The following GLB1L2 variants were observed in gnomAD, a reference collection of about 807,000 sequenced individuals.
GLB1L2 encodes the protein galactosidase beta 1 like 2.
A neutral mutation model predicts 84.1 loss-of-function variants in GLB1L2; 68 were observed. The ratio of observed to expected loss-of-function variants is 0.81; its 90% CI spans 0.67 to 0.99. The LOEUF (loss-of-function observed/expected upper bound fraction) is 0.99. Ranked by LOEUF, GLB1L2 falls within the 50% of genes least tolerant of loss-of-function variation. GLB1L2 has a pLI of 0.00. For synonymous variants in GLB1L2, 290 were observed against 318.0 expected (o/e 0.91, Z 0.94); for missense variants, 762 against 805.6 (o/e 0.95, Z 0.66).
chr11:134,362,566 CTG>C (rs1273621910), intron 7 of GLB1L2, among the ~76,000 whole-genome samples: 1 of 152,254 alleles, frequency 6.6e-6, no homozygotes, highest in African/African-American at 2.4e-5. Context: ...GAGTGTGGGG[CTG>C]TGTCTGCCAC....
At chr11:134,351,733 T>G (rs1943637225) in intron 5 of GLB1L2, among the ~76,000 whole-genome samples, 1 of 152,244 alleles carries the variant, frequency 6.6e-6, no homozygotes, top group African/African-American at 2.4e-5. Context: ...TTTAATATGC[T>G]GCTGAATTAA....
chr11:134,373,626 C>A, intron 15 of GLB1L2, 95 bp from the exon 16 acceptor site: 1 of 776,510 alleles, frequency 1.3e-6, no homozygotes, highest in Non-Finnish European at 2.2e-6. Context: ...CAGCACCCCT[C>A]ACCCCAGCTT....
In GLB1L2 at chr11:134,367,308, T is replaced by C. The variant is rs1392528581; in HGVS notation, c.856T>C (p.Trp286Arg). The C allele has an allele frequency of 6.2e-7, 1 of 1,614,054 alleles. No homozygotes were observed. Among genetic ancestry groups the C allele is most frequent in the Non-Finnish European group, 8.5e-7 (1 of 1,179,992 alleles). The change falls in exon 9 of 19, where the codon TGG (tryptophan) becomes CGG (arginine). Residue 286 changes from tryptophan (W) to arginine (R), a missense_variant. Trp to Arg is a moderately radical substitution (Grantham distance 101). Coordinates refer to ENST00000535456, the MANE Select transcript of GLB1L2 (RefSeq NM_001370461.1). ...MEYWTGWFDS[W>R]GGPHNILDSS... ...GTACTGGACGGGGTGGTTTGACTCGTGGGGAGGCCCTCACAATATCTTGGA... is the reference window on the plus strand; with the variant it reads ...GTACTGGACGGGGTGGTTTGACTCGCGGGGAGGCCCTCACAATATCTTGGA...
intron 5 of GLB1L2, among the ~76,000 whole-genome samples, chr11:134,353,697 A>T (rs1245009018): frequency 6.6e-6 from 1 of 152,116 alleles, no homozygotes; most frequent in African/African-American, 2.4e-5. Context: ...TGGCTCATAT[A>T]CTTTGGAATT....
At chr11:134,332,370 C>T (rs1273004292) in intron 1 of GLB1L2, among the ~76,000 whole-genome samples, 1 of 152,084 alleles carries the variant, frequency 6.6e-6, no homozygotes, top group Non-Finnish European at 1.5e-5. Context: ...GGCGTGCCCT[C>T]GGGAGCCGGC....
Position 134,347,155 on chromosome 11 carries a change from C to G in GLB1L2, c.450-170C>G, listed in dbSNP as rs960977607. ...TGCAGGAGTGCGGGTGGGTGCTCGC[C>G]CCAGAATCGGTTTGCATTGTCTCCC... On this transcript the variant is annotated intron_variant, in intron 4 of 18. Coordinates refer to ENST00000535456, the MANE Select transcript of GLB1L2 (RefSeq NM_001370461.1). 4 of 648,078 alleles carry G rather than the reference C, an allele frequency of 6.2e-6. No homozygotes were observed. In the African/African-American group the frequency reaches 7.1e-5, roughly 12 times the overall value. The allele number at this position is 648,078 out of a possible 1,614,324, so 40.1% of individuals were successfully genotyped here. A position where few individuals can be genotyped will look rare whatever the true frequency, so the allele number is the denominator to read the frequency against.
chr11:134,356,132 T>A, intron 5 of GLB1L2, 169 bp from the exon 6 acceptor site: 1 of 725,936 alleles, frequency 1.4e-6, no homozygotes. Context: ...GATGTTTTCA[T>A]GGGAGAACAA....
At chr11:134,345,285 G>A (rs943163572) in intron 4 of GLB1L2, among the ~76,000 whole-genome samples, 156 bp downstream of exon 4, 2 of 152,238 alleles carry the variant, frequency 1.3e-5, no homozygotes, top group African/African-American at 4.8e-5. Context: ...AGCACCCAGA[G>A]GGGATCGCTT....
intron 17 of GLB1L2, 66 bp from the exon 18 acceptor site, chr11:134,374,536 G>A: frequency 7.9e-7 from 1 of 1,265,112 alleles, no homozygotes; most frequent in Non-Finnish European, 1.2e-6. Flanking sequence ...AAGCACGCAT[G>A]CATGTCTCCC....
At chr11:134,347,183 CTTCTGG>C in intron 4 of GLB1L2, 136 bp from the exon 5 acceptor site, 1 of 710,562 alleles carries the variant, frequency 1.4e-6, no homozygotes, top group Non-Finnish European at 2.6e-6. Context: ...TGTCTCCCCA[CTTCTGG>C]GCTCAGTGGG....
At chr11:134,358,762 G>A (rs1157312105) in intron 6 of GLB1L2, among the ~76,000 whole-genome samples, 4 of 152,246 alleles carry the variant, frequency 2.6e-5, no homozygotes, top group Non-Finnish European at 5.9e-5. Context: ...TGGCCTCAGT[G>A]TAGACTCGCC....
In GLB1L2 at chr11:134,334,883, A is replaced by G. The variant is rs1943357836; in HGVS notation, c.86+2736A>G. Among the ~76,000 whole-genome samples the G allele has an allele frequency of 1.3e-5, 2 of 152,150 alleles. No homozygotes were observed. Among genetic ancestry groups the G allele is most frequent in the Admixed American group, 6.5e-5 (1 of 15,276 alleles). ...TTCATTCTCTTCCTATTCGCACTCC[A>G]TGAACACAAGAATGCCTGCTTGATA... On this transcript the variant is annotated intron_variant, in intron 1 of 18. Coordinates refer to ENST00000535456, the MANE Select transcript of GLB1L2 (RefSeq NM_001370461.1). The surrounding 1 kb of genome is among the most constrained non-coding windows in gnomAD (Gnocchi z 4.1).
intron 10 of GLB1L2, 145 bp from the exon 11 acceptor site, chr11:134,369,660 T>G (rs933453405): frequency 1.6e-5 from 11 of 671,690 alleles, no homozygotes; most frequent in Non-Finnish European, 2.8e-5. Context: ...GTTTACAGTA[T>G]TTTGACTGAA....
At chr11:134,358,476 C>T (rs564268547) in intron 6 of GLB1L2, among the ~76,000 whole-genome samples, 6 of 152,400 alleles carry the variant, frequency 3.9e-5, no homozygotes, top group South Asian at 2.1e-4. Context: ...TCAAGCACAG[C>T]GTTTCTTCCA....
chr11:134,368,747 C>T lies in GLB1L2; in HGVS notation c.993C>T (p.His331=), dbSNP rs774898396. ...TTGGCTTCATGAATGGAGCCATGCA[C>T]TTCCATGACTACAAGTCAGATGTCA... ...TNFGFMNGAM[H]FHDYKSDVTS... Residue 331 remains histidine, a synonymous_variant, in exon 10 of 19, where the codon CAC becomes CAT. Transcript: ENST00000535456. 3 of 1,613,814 alleles carry T rather than the reference C, an allele frequency of 1.9e-6. No homozygotes were observed. The highest frequency in any genetic ancestry group is 1.7e-5 in the Admixed American group (1 of 60,012).
intron 6 of GLB1L2, 30 bp downstream of exon 6, chr11:134,356,423 A>G: frequency 6.6e-7 from 1 of 1,518,182 alleles, no homozygotes; most frequent in Non-Finnish European, 9.1e-7. Flanking sequence ...GTTTCTTTAG[A>G]TTCCTTCCTC....
rs1239680729 is a variant in GLB1L2, at chr11:134,370,126, C to A, written c.1109-167C>A. ...GAGAACGCCCTGGCTTTCCCCCAGG[C>A]CTGGCCTTCCTCCCTGGCCTCAGCA... is the stretch of plus-strand genomic sequence containing the variant. On this transcript the variant is annotated intron_variant, in intron 11 of 18. Transcript: ENST00000535456. The surrounding 1 kb of genome is among the most constrained non-coding windows in gnomAD (Gnocchi z 4.7). Among the ~76,000 whole-genome samples, 4 of 152,270 alleles carry A rather than the reference C, an allele frequency of 2.6e-5. No individual in the cohort carries two copies. The highest frequency in any genetic ancestry group is 3.9e-4 in the East Asian group (2 of 5,180).
intron 3 of GLB1L2, among the ~76,000 whole-genome samples, 196 bp from the exon 4 acceptor site, chr11:134,344,838 T>A (rs1434612516): frequency 6.6e-6 from 1 of 152,202 alleles, no homozygotes; most frequent in Non-Finnish European, 1.5e-5. Context: ...AGGCCCCCGA[T>A]GGGGCTGTGC....
chr11:134,373,734 T>A lies in GLB1L2; in HGVS notation c.1521T>A (p.Asn507Lys), dbSNP rs1367494933. 6.2e-7 allele frequency: 1 copy of A among 1,611,574 alleles called. No homozygotes were observed. The highest frequency in any genetic ancestry group is 2.2e-5 in the East Asian group (1 of 44,868). Residue 507 changes from asparagine to lysine, a missense_variant, in exon 16 of 19, where the codon AAT becomes AAA. Physicochemically the swap from Asn to Lys is moderately conservative, Grantham distance 94 (BLOSUM62 0). Coordinates refer to ENST00000535456, the MANE Select transcript of GLB1L2 (RefSeq NM_001370461.1). ...TCCCTCCCACAGGCTTAATTGGAAATCTCTATCTGAATGATTCACCCCTGA... is the reference window on the plus strand; with the variant it reads ...TCCCTCCCACAGGCTTAATTGGAAAACTCTATCTGAATGATTCACCCCTGA... ...IDDQRKGLIG[N>K]LYLNDSPLKN...
Sources: allele counts gnomAD v4.1 joint callset (sites outside exome capture counted in the v4.1 genomes callset), GRCh38; gene constraint gnomAD v4.1.1; non-coding constraint Gnocchi (gnomAD v3.1); transcripts MANE v1.5; gene names NCBI Gene and HGNC (gene_info 2026-07-23, HGNC 2026-07-21).